Variants in PTPRT observed in about 807,000 individuals in gnomAD.
PTPRT encodes the protein protein tyrosine phosphatase receptor type T.
Under a neutral mutation model 176.8 loss-of-function variants are expected in PTPRT, and 56 were observed. The ratio of observed to expected loss-of-function variants is 0.32; its 90% CI spans 0.26 to 0.40. The LOEUF (loss-of-function observed/expected upper bound fraction) is 0.40. PTPRT is among the 10% of genes least tolerant of loss of function. PTPRT has a pLI of 1.00. For missense variants in PTPRT, 1,540 were observed against 1,908.2 expected (o/e 0.81, Z 3.60); for synonymous variants, 783 against 739.0 (o/e 1.06, Z -0.96).
At chr20:42,424,248 G>A (rs1425990528) in intron 9 of PTPRT, among the ~76,000 whole-genome samples, 1 of 152,140 alleles carries the variant, frequency 6.6e-6, no homozygotes, top group African/African-American at 2.4e-5. Context: ...GTCCCCAGCT[G>A]AAATCCAATG....
At chr20:43,168,579 C>T (rs1476609181) in intron 1 of PTPRT, among the ~76,000 whole-genome samples, 5 of 152,130 alleles carry the variant, frequency 3.3e-5, no homozygotes, top group South Asian at 4.1e-4. Flanking sequence ...AACTATGAGC[C>T]TCAGGCTATA....
intron 1 of PTPRT, among the ~76,000 whole-genome samples, chr20:43,097,382 CA>C (rs2012215063): frequency 6.6e-6 from 1 of 152,202 alleles, no homozygotes; most frequent in Non-Finnish European, 1.5e-5. Context: ...CAAGCCCCAA[CA>C]AAATGGTGGC....
intron 1 of PTPRT, among the ~76,000 whole-genome samples, chr20:43,010,821 G>A (rs909882434): frequency 6.6e-6 from 1 of 152,004 alleles, no homozygotes; most frequent in Non-Finnish European, 1.5e-5. Flanking sequence ...CAAGGACAGT[G>A]TATTATTACC....
At chr20:42,957,510 C>G (rs1981714488) in intron 1 of PTPRT, among the ~76,000 whole-genome samples, 1 of 152,114 alleles carries the variant, frequency 6.6e-6, no homozygotes, top group Non-Finnish European at 1.5e-5. Flanking sequence ...ACTTTCTCTC[C>G]TCAGGAATAA....
intron 19 of PTPRT, among the ~76,000 whole-genome samples, chr20:42,126,973 G>A (rs1987888872): frequency 6.6e-6 from 1 of 152,216 alleles, no homozygotes; most frequent in Non-Finnish European, 1.5e-5. Context: ...TCAGTTCTTG[G>A]CCATGTAGTA....
intron 1 of PTPRT, among the ~76,000 whole-genome samples, chr20:43,151,346 C>T (rs6073001): frequency 0.92 from 125,798 of 136,432 alleles, 59,197 homozygotes; most frequent in East Asian, 1. Context: ...GGCATGGACT[C>T]CATGGCATAG....
chr20:42,451,979 T>A lies in PTPRT; in HGVS notation c.1451-3650A>T, dbSNP rs191458485. Among the ~76,000 whole-genome samples, 366 of 152,038 alleles carry A rather than the reference T, an allele frequency of 2.4e-3. 2 individuals carry two copies. The highest frequency in any genetic ancestry group is 8.0e-3 in the African/African-American group (330 of 41,486). On this transcript the variant is annotated intron_variant, in intron 8 of 30. Transcript: ENST00000373187. ...TGATTAAAGCAACTAAGAAAAAGAT[T>A]CAAAATAGAGGCTGGGCTTGGTGGC...
At chr20:42,920,493 C>T (rs1452536514) in intron 1 of PTPRT, among the ~76,000 whole-genome samples, 2 of 151,830 alleles carry the variant, frequency 1.3e-5, no homozygotes, top group African/African-American at 4.8e-5. Context: ...ATGGTGGTTA[C>T]ATGATTGTGT....
chr20:42,922,744 C>T (rs1979229030), intron 1 of PTPRT, among the ~76,000 whole-genome samples: 1 of 152,170 alleles, frequency 6.6e-6, no homozygotes, highest in African/African-American at 2.4e-5. Context: ...CTGCTGCTTC[C>T]ATCTGCCCCA....
chr20:42,627,085 G>A (rs1471934666), intron 7 of PTPRT, among the ~76,000 whole-genome samples: 2 of 152,130 alleles, frequency 1.3e-5, no homozygotes, highest in Non-Finnish European at 2.9e-5. Context: ...GCAATGCCCG[G>A]GATGACCGGG....
chr20:42,088,276 C>G (rs541089139), intron 27 of PTPRT, among the ~76,000 whole-genome samples: 1 of 152,110 alleles, frequency 6.6e-6, no homozygotes, highest in Non-Finnish European at 1.5e-5. Flanking sequence ...CTCTCCTCAG[C>G]GGGGGTCTGG....
chr20:42,446,181 T>C (rs1465045121), intron 9 of PTPRT, among the ~76,000 whole-genome samples: 1 of 152,142 alleles, frequency 6.6e-6, no homozygotes, highest in African/African-American at 2.4e-5. Flanking sequence ...AGTTTCCAAA[T>C]GCAGGTATGT....
At chr20:42,070,677 A>G (rs1982284583), downstream of PTPRT, among the ~76,000 whole-genome samples, 1 of 152,194 alleles carries the variant, frequency 6.6e-6, no homozygotes, top group African/African-American at 2.4e-5. Context: ...GATGCCACTT[A>G]CGTAGAATAT....
chr20:42,182,337 A>C (rs1346430288), intron 16 of PTPRT, among the ~76,000 whole-genome samples: 1 of 152,216 alleles, frequency 6.6e-6, no homozygotes, highest in East Asian at 1.9e-4. Flanking sequence ...AAGCATAACA[A>C]AGATAGTGAG....
intron 7 of PTPRT, among the ~76,000 whole-genome samples, chr20:42,625,411 A>ATG (rs2074271442): frequency 6.6e-6 from 1 of 152,214 alleles, no homozygotes; most frequent in African/African-American, 2.4e-5. Flanking sequence ...CACCTAGCAT[A>ATG]TGAAACATAC....
intron 6 of PTPRT, among the ~76,000 whole-genome samples, chr20:42,752,365 T>C (rs2076780755): frequency 6.6e-6 from 1 of 152,228 alleles, no homozygotes; most frequent in Admixed American, 6.5e-5. Flanking sequence ...CCTACATTCC[T>C]GTTCCCAGAT....
intron 11 of PTPRT, among the ~76,000 whole-genome samples, chr20:42,329,476 CACACACACACACACACACACACACACAT>C (rs1219881987): frequency 3.2e-5 from 4 of 125,376 alleles, no homozygotes; most frequent in Middle Eastern, 3.9e-3. Context: ...TATAGTGGCA[CACACACACACACACACACACACACACAT>C]ACACACACAC....
intron 15 of PTPRT, among the ~76,000 whole-genome samples, chr20:42,213,722 C>A (rs2055701503): frequency 6.6e-6 from 1 of 152,036 alleles, no homozygotes; most frequent in African/African-American, 2.4e-5. Flanking sequence ...GAGCCATAAG[C>A]CAAGGAGCAC....
intron 9 of PTPRT, among the ~76,000 whole-genome samples, chr20:42,438,023 G>T (rs2059278036): frequency 6.6e-6 from 1 of 152,142 alleles, no homozygotes; most frequent in Admixed American, 6.6e-5. Context: ...TGCTGCCTCT[G>T]GGCACAGTTT....
Sources: allele counts gnomAD v4.1 joint callset (sites outside exome capture counted in the v4.1 genomes callset), GRCh38; gene constraint gnomAD v4.1.1; transcripts MANE v1.5; gene names NCBI Gene and HGNC (gene_info 2026-07-23, HGNC 2026-07-21).